The following CNTNAP2 variants were observed in gnomAD, a reference collection of about 807,000 sequenced individuals.
CNTNAP2 encodes the protein contactin-associated protein-like 2.
Under a neutral mutation model 155.2 loss-of-function variants are expected in CNTNAP2, and 98 were observed. The ratio of observed to expected loss-of-function variants is 0.63; its 90% CI spans 0.54 to 0.75. The LOEUF is 0.75. CNTNAP2 is among the 30% of genes least tolerant of loss of function. The pLI is 0.00. For synonymous variants in CNTNAP2, 651 were observed against 631.2 expected (o/e 1.03, Z -0.47); for missense variants, 1,727 against 1,688.1 (o/e 1.02, Z -0.40).
intron 1 of CNTNAP2, among the ~76,000 whole-genome samples, chr7:146,317,249 A>C (rs1473875240): frequency 6.6e-6 from 1 of 152,254 alleles, no homozygotes; most frequent in Non-Finnish European, 1.5e-5. Flanking sequence ...TTATTCAAAC[A>C]ACACAAGCAA....
intron 12 of CNTNAP2, among the ~76,000 whole-genome samples, chr7:147,587,367 G>A (rs1800650259): frequency 6.6e-6 from 1 of 152,168 alleles, no homozygotes; most frequent in African/African-American, 2.4e-5. Context: ...AAGTTGGTGA[G>A]CCTTCCTCTG....
At chr7:148,176,107 A>G (rs1233742207) in intron 18 of CNTNAP2, among the ~76,000 whole-genome samples, 1 of 151,502 alleles carries the variant, frequency 6.6e-6, no homozygotes, top group African/African-American at 2.4e-5. Flanking sequence ...TCTGCTTTGT[A>G]GATGATGCAC....
intron 3 of CNTNAP2, among the ~76,000 whole-genome samples, chr7:146,907,449 C>A (rs1796160059): frequency 3.5e-5 from 5 of 144,012 alleles, no homozygotes; most frequent in Admixed American, 2.1e-4. Context: ...AACAGCGGAT[C>A]TCTCGGCAGA....
At chr7:146,542,852 A>G (rs111732826) in intron 1 of CNTNAP2, among the ~76,000 whole-genome samples, 6 of 152,090 alleles carry the variant, frequency 3.9e-5, no homozygotes, top group African/African-American at 1.4e-4. Flanking sequence ...AGTTAATGAT[A>G]TCTTTTAAAG....
intron 1 of CNTNAP2, among the ~76,000 whole-genome samples, chr7:146,394,357 C>G (rs1795589228): frequency 6.6e-6 from 1 of 152,064 alleles, no homozygotes; most frequent in African/African-American, 2.4e-5. Context: ...TAAGACAGGC[C>G]TAAGAGTTTG....
intron 1 of CNTNAP2, among the ~76,000 whole-genome samples, chr7:146,260,771 T>C (rs1049721800): frequency 2.0e-5 from 3 of 152,232 alleles, no homozygotes; most frequent in Non-Finnish European, 4.4e-5. Flanking sequence ...TTGTCTAAGA[T>C]GAGACTTTGG....
At chr7:147,189,338 C>A (rs368506754) in intron 8 of CNTNAP2, among the ~76,000 whole-genome samples, 30 of 152,206 alleles carry the variant, frequency 2.0e-4, no homozygotes, top group African/African-American at 7.2e-4. Context: ...AATAACATTA[C>A]AAATCCTCAG....
chr7:147,717,877 T>C (rs1796505143), intron 13 of CNTNAP2, among the ~76,000 whole-genome samples: 1 of 151,764 alleles, frequency 6.6e-6, no homozygotes, highest in South Asian at 2.1e-4. Context: ...TGAAAACCCG[T>C]CTCAAATACA....
chr7:146,499,380 T>A (rs1797266987), intron 1 of CNTNAP2, among the ~76,000 whole-genome samples: 1 of 152,076 alleles, frequency 6.6e-6, no homozygotes. Flanking sequence ...CGGGTTTCAC[T>A]AATCTATAAA....
chr7:147,793,698 A>G (rs1337833634), intron 13 of CNTNAP2, among the ~76,000 whole-genome samples: 1 of 152,066 alleles, frequency 6.6e-6, no homozygotes, highest in Non-Finnish European at 1.5e-5. Flanking sequence ...GTCAATTTCT[A>G]CAAAGAAATC....
At chr7:146,984,480 T>C (rs1271191359) in intron 3 of CNTNAP2, among the ~76,000 whole-genome samples, 1 of 152,186 alleles carries the variant, frequency 6.6e-6, no homozygotes, top group African/African-American at 2.4e-5. Context: ...ATTCTGTTTT[T>C]TATTCTTTGT....
intron 1 of CNTNAP2, among the ~76,000 whole-genome samples, chr7:146,492,645 A>C (rs1317957382): frequency 6.6e-6 from 1 of 152,206 alleles, no homozygotes; most frequent in African/African-American, 2.4e-5. Context: ...GTGTGAACTA[A>C]GGTTCATGCT....
At chr7:147,318,083 T>A (rs931271055) in intron 9 of CNTNAP2, among the ~76,000 whole-genome samples, 71 of 151,812 alleles carry the variant, frequency 4.7e-4, no homozygotes, top group African/African-American at 1.7e-3. Flanking sequence ...AAAACCAACA[T>A]GACAAGCACT....
chr7:147,219,811 T>G (rs187518841), intron 8 of CNTNAP2, among the ~76,000 whole-genome samples: 1 of 152,190 alleles, frequency 6.6e-6, no homozygotes, highest in Admixed American at 6.5e-5. Flanking sequence ...ACGGACTCTC[T>G]GTCGCCCAGG....
chr7:146,193,015 A>C (rs1228674310), intron 1 of CNTNAP2, among the ~76,000 whole-genome samples: 1 of 152,168 alleles, frequency 6.6e-6, no homozygotes, highest in East Asian at 1.9e-4. Context: ...TCAAATCTTA[A>C]AGCTCCAAAA....
chr7:146,711,279 T>C (rs1585052486), intron 1 of CNTNAP2, among the ~76,000 whole-genome samples: 1 of 146,804 alleles, frequency 6.8e-6, no homozygotes. Context: ...TAATATATAA[T>C]AGAAAACATA....
chr7:147,679,268 A>T (rs1244975131), intron 13 of CNTNAP2, among the ~76,000 whole-genome samples: 1 of 151,900 alleles, frequency 6.6e-6, no homozygotes, highest in African/African-American at 2.4e-5. Context: ...TATAATAAAG[A>T]TCTTTTATGG....
chr7:148,343,573 C>G (rs539774616), intron 21 of CNTNAP2, among the ~76,000 whole-genome samples: 58 of 152,328 alleles, frequency 3.8e-4, no homozygotes, highest in African/African-American at 1.4e-3. Context: ...AGTCACACCT[C>G]AGAATGCTAC....
intron 1 of CNTNAP2, among the ~76,000 whole-genome samples, chr7:146,360,575 T>C (rs1795068453): frequency 6.6e-6 from 1 of 152,200 alleles, no homozygotes. Flanking sequence ...GATGTTACCA[T>C]ATTCAAAGTT....
Sources: allele counts gnomAD v4.1 joint callset (sites outside exome capture counted in the v4.1 genomes callset), GRCh38; gene constraint gnomAD v4.1.1; transcripts MANE v1.5; gene names NCBI Gene and HGNC (gene_info 2026-07-23, HGNC 2026-07-21).